The following ARAP2 variants were observed in gnomAD, a reference collection of about 807,000 sequenced individuals.
ARAP2 encodes the protein arf-GAP with Rho-GAP domain, ANK repeat and PH domain-containing protein 2.
A neutral mutation model predicts 194.5 loss-of-function variants in ARAP2; 148 were observed. The ratio of observed to expected loss-of-function variants is 0.76; its 90% CI spans 0.67 to 0.87. The LOEUF (loss-of-function observed/expected upper bound fraction) is 0.87. ARAP2 is among the 40% of genes least tolerant of loss of function. The probability of loss-of-function intolerance (pLI) is 0.00; values close to 1 mark genes in which losing one functional copy is unlikely to be tolerated. For missense variants in ARAP2, 2,128 were observed against 1,989.7 expected (o/e 1.07, Z -1.32); for synonymous variants, 695 against 683.5 (o/e 1.02, Z -0.26).
At position 36,067,892 on chromosome 4, in the gene ARAP2, A is replaced by C. The variant is rs1725850725; in HGVS notation, c.*15T>G. 1 of 1,551,926 alleles carries C rather than the reference A, an allele frequency of 6.4e-7. No individual in the cohort carries two copies. Reference sequence around the variant, plus strand: ...ATATTAAAAAAATAATCTGGGGAGCAATTCATTTTATTTCCTACTTCAAAA... The same window carrying C: ...ATATTAAAAAAATAATCTGGGGAGCCATTCATTTTATTTCCTACTTCAAAA... On this transcript the variant is annotated 3_prime_UTR_variant, in exon 33 of 33. Coordinates refer to ENST00000303965, the MANE Select transcript of ARAP2 (RefSeq NM_015230.4).
At chr4:36,242,388 C>G (rs1753687795) in intron 1 of ARAP2, among the ~76,000 whole-genome samples, 1 of 152,142 alleles carries the variant, frequency 6.6e-6, no homozygotes, top group African/African-American at 2.4e-5. Flanking sequence ...ATTATTTATA[C>G]TTAGCATTTT....
chr4:36,123,044 C>T (rs2109553349), intron 22 of ARAP2, among the ~76,000 whole-genome samples: 2 of 151,900 alleles, frequency 1.3e-5, no homozygotes, highest in East Asian at 3.9e-4. Context: ...GGTGCAAGTG[C>T]AATCATCACA....
At position 36,068,091 on chromosome 4, in the gene ARAP2, G is replaced by T. The variant is rs140220650; in HGVS notation, c.4931C>A (p.Pro1644Gln). 1 of 1,614,068 alleles carries T rather than the reference G, an allele frequency of 6.2e-7. No homozygotes were observed. The highest frequency in any genetic ancestry group is 8.5e-7 in the Non-Finnish European group (1 of 1,179,984). ...TTTATGGCCTTTTGGTTGCCCAAGT[G>T]GGGCTTCAGGCTCTGTGTCCTCCAG... The part of the protein sequence containing the change: ...NCLEDTEPEA[P>Q]LGQPKGHKGL... The change falls in exon 33 of 33, where the codon CCA becomes CAA. Residue 1644 changes from proline to glutamine, a missense_variant. Pro to Gln is a moderately conservative substitution (Grantham distance 76, BLOSUM62 -1). Coordinates refer to ENST00000303965, the MANE Select transcript of ARAP2 (RefSeq NM_015230.4).
intron 2 of ARAP2, among the ~76,000 whole-genome samples, chr4:36,217,157 A>T (rs1748107613): frequency 2.6e-5 from 4 of 152,222 alleles, no homozygotes; most frequent in Admixed American, 2.6e-4. Flanking sequence ...ATCAAATTAC[A>T]TGCTTTAAAG....
chr4:36,035,394 G>A (rs1199079273), intron 5 of ARAP2, among the ~76,000 whole-genome samples: 1 of 152,008 alleles, frequency 6.6e-6, no homozygotes, highest in African/African-American at 2.4e-5. Context: ...GTACCATTGT[G>A]TGAATATATT....
At chr4:36,187,947 G>A (rs1330143487) in intron 7 of ARAP2, among the ~76,000 whole-genome samples, 1 of 152,192 alleles carries the variant, frequency 6.6e-6, no homozygotes, top group Non-Finnish European at 1.5e-5. Context: ...AACAGGTACT[G>A]TAACTGAACC....
At chr4:36,210,038 G>A (rs555205743) in intron 6 of ARAP2, among the ~76,000 whole-genome samples, 23 of 152,176 alleles carry the variant, frequency 1.5e-4, no homozygotes, top group Non-Finnish European at 3.2e-4. Flanking sequence ...AGTGTGGGCT[G>A]AGTAATACTA....
chr4:36,113,716 CT>C (rs1720607202), intron 26 of ARAP2, among the ~76,000 whole-genome samples: 1 of 151,642 alleles, frequency 6.6e-6, no homozygotes, highest in African/African-American at 2.4e-5. Flanking sequence ...CCCTAGGCAT[CT>C]TGGAGATGAA....
chr4:36,092,309 A>C (rs1407898317), intron 27 of ARAP2, among the ~76,000 whole-genome samples: 6 of 152,160 alleles, frequency 3.9e-5, no homozygotes, highest in African/African-American at 1.4e-4. Flanking sequence ...TAAAGACTTT[A>C]TATGAAAAAA....
At position 36,210,371 on chromosome 4, in the gene ARAP2, T is replaced by G; in HGVS notation, c.1487+19A>C. ...TTTTAAAAATATGCCACTTATGAAA[T>G]AAATGCATACGTACATACCCTTGAG... On this transcript the variant is annotated intron_variant, in intron 6 of 32. Coordinates refer to ENST00000303965, the MANE Select transcript of ARAP2 (RefSeq NM_015230.4). The G allele has an allele frequency of 6.5e-7, 1 of 1,549,042 alleles. No homozygotes were observed. Among genetic ancestry groups the G allele is most frequent in the Non-Finnish European group, 8.7e-7 (1 of 1,150,660 alleles).
intron 5 of ARAP2, among the ~76,000 whole-genome samples, chr4:36,033,624 T>A (rs962893275): frequency 1.3e-5 from 2 of 152,158 alleles, no homozygotes; most frequent in Non-Finnish European, 2.9e-5. Context: ...GATTGTTTCT[T>A]TTGCTGTGCA....
chr4:36,024,274 GA>G (rs1717523722), intron 5 of ARAP2, among the ~76,000 whole-genome samples: 1 of 152,122 alleles, frequency 6.6e-6, no homozygotes, highest in African/African-American at 2.4e-5. Context: ...TATTCAAAAT[GA>G]CATTGCATAC....
In ARAP2 at chr4:36,016,652, G is replaced by T. The variant is rs114329287; in HGVS notation, n.751-694C>A. 6.6e-3 allele frequency among the ~76,000 whole-genome samples: 1,005 copies of T among 152,162 alleles called. 14 individuals are homozygous for T. Among genetic ancestry groups the T allele is most frequent in the African/African-American group, 0.022 (930 of 41,538 alleles). ...GTTAAAGGGTACATCAGGTAAAAAAGACTTTGCACTTTATACTTTTTGATA... is the reference window on the plus strand; with the variant it reads ...GTTAAAGGGTACATCAGGTAAAAAATACTTTGCACTTTATACTTTTTGATA... On this transcript the variant is annotated intron_variant and non_coding_transcript_variant, in intron 6 of 12. Transcript: ENST00000503225.
chr4:36,200,653 A>C (rs1744173827), intron 6 of ARAP2, among the ~76,000 whole-genome samples: 1 of 152,246 alleles, frequency 6.6e-6, no homozygotes, highest in African/African-American at 2.4e-5. Flanking sequence ...AAAGCTTGAG[A>C]AGTCCTGTGC....
At position 36,092,018 on chromosome 4, in the gene ARAP2, G is replaced by A. The variant is rs143499964; in HGVS notation, c.4288C>T (p.Arg1430Trp). The change falls in exon 28 of 33, where the codon CGG (arginine) becomes TGG (tryptophan). Residue 1430 changes from arginine (R) to tryptophan (W), a missense_variant and splice_region_variant. Arg to Trp is a moderately radical substitution (Grantham distance 101). Transcript: ENST00000303965. ...TCTTTGATGCTTCCCAGTGTACTCC[G>A]GTCTGTAAAGTACAGCATTACTTTT... ...TADTIKHCSDRSTLGSIKEGI... is the reference protein window; with the variant it reads ...TADTIKHCSDWSTLGSIKEGI... 1.2e-4 allele frequency: 188 copies of A among 1,572,196 alleles called. No homozygotes were observed. The highest frequency in any genetic ancestry group is 3.4e-4 in the Middle Eastern group (2 of 5,880).
intron 30 of ARAP2, 102 bp downstream of exon 30, chr4:36,082,149 A>C (rs1324270570): frequency 2.6e-6 from 3 of 1,134,964 alleles, no homozygotes; most frequent in Non-Finnish European, 3.8e-6. Context: ...ACTTAGGCAA[A>C]ACACTTTCCG....
chr4:36,080,721 A>G (rs1262705376), intron 30 of ARAP2, among the ~76,000 whole-genome samples: 1 of 152,214 alleles, frequency 6.6e-6, no homozygotes, highest in African/African-American at 2.4e-5. Context: ...GTAAACACTA[A>G]TACCCACAGA....
intron 6 of ARAP2, among the ~76,000 whole-genome samples, chr4:36,202,132 C>T (rs1032477200): frequency 2.6e-5 from 4 of 152,100 alleles, no homozygotes; most frequent in Non-Finnish European, 4.4e-5. Context: ...CTAACCCTAA[C>T]GAGACCCAAT....
intron 3 of ARAP2, among the ~76,000 whole-genome samples, chr4:36,048,426 C>G (rs902067117): frequency 6.6e-6 from 1 of 151,926 alleles, no homozygotes; most frequent in Non-Finnish European, 1.5e-5. Flanking sequence ...CTATGAGTAC[C>G]AAAGGTTTAG....
Sources: gnomAD v4.1 joint callset for allele counts (sites outside exome capture counted in the v4.1 genomes callset) on GRCh38, gnomAD v4.1.1 for gene constraint, MANE v1.5 for transcripts, NCBI Gene and HGNC (gene_info 2026-07-23, HGNC 2026-07-21) for gene names.